The following DAB2IP variants were observed in gnomAD, a reference collection of about 807,000 sequenced individuals.
DAB2IP encodes the protein DAB2 interacting protein.
Under a neutral mutation model 107.2 loss-of-function variants are expected in DAB2IP, and 28 were observed. The ratio of observed to expected loss-of-function variants is 0.26; its 90% CI spans 0.19 to 0.36. The LOEUF is 0.36. DAB2IP is among the 10% of genes least tolerant of loss of function. The pLI is 1.00. For synonymous variants in DAB2IP, 755 were observed against 706.4 expected (o/e 1.07, Z -1.09); for missense variants, 1,400 against 1,644.7 (o/e 0.85, Z 2.57).
exon 9 of DAB2IP, chr9:121,766,525 G>A (rs145267973): frequency 6.2e-7 from 1 of 1,610,394 alleles, no homozygotes; most frequent in African/African-American, 1.3e-5. Flanking sequence ...AGAGGTGTTT[G>A]CCTCGTGGAG....
chr9:121,604,099 A>C (rs1038263752), intron 1 of DAB2IP, among the ~76,000 whole-genome samples: 5 of 150,930 alleles, frequency 3.3e-5, no homozygotes, highest in South Asian at 4.2e-4. Flanking sequence ...GGTGGGAATG[A>C]CTGGGGGTCA....
At chr9:121,783,134 C>G (rs1019746639) in exon 16 of DAB2IP, 1 of 1,044,076 alleles carries the variant, frequency 9.6e-7, no homozygotes, top group East Asian at 7.6e-5. Flanking sequence ...TACCCACCCA[C>G]CCCCTCTGAA....
exon 1 of DAB2IP, chr9:121,567,203 C>T (rs936282742): frequency 5.0e-6 from 8 of 1,614,054 alleles, no homozygotes; most frequent in Non-Finnish European, 5.1e-6. Flanking sequence ...AGCCCGACTC[C>T]CTTCTGGACC....
intron 3 of DAB2IP, among the ~76,000 whole-genome samples, chr9:121,748,991 C>A (rs888560871): frequency 6.6e-6 from 1 of 152,192 alleles, no homozygotes. Flanking sequence ...CCTGAGGGAA[C>A]CCTGGGTTGA....
At chr9:121,726,547 T>TG (rs756163377) in intron 3 of DAB2IP, among the ~76,000 whole-genome samples, 15 of 152,308 alleles carry the variant, frequency 9.8e-5, no homozygotes, top group Admixed American at 1.3e-4. Flanking sequence ...ATCTGAAGGA[T>TG]GGGGGGATAG....
At chr9:121,672,760 G>A (rs1469120560) in intron 1 of DAB2IP, among the ~76,000 whole-genome samples, 2 of 152,120 alleles carry the variant, frequency 1.3e-5, no homozygotes, top group African/African-American at 2.4e-5. Context: ...TTAAGAGATC[G>A]GCTGGGTCTC....
intron 11 of DAB2IP, among the ~76,000 whole-genome samples, chr9:121,771,759 G>T (rs777695295): frequency 3.9e-5 from 6 of 152,088 alleles, no homozygotes; most frequent in African/African-American, 1.4e-4. Context: ...TCCCAGGCCC[G>T]TGAGCACTGC....
At chr9:121,687,558 T>C (rs565952631) in intron 2 of DAB2IP, among the ~76,000 whole-genome samples, 2 of 152,282 alleles carry the variant, frequency 1.3e-5, no homozygotes, top group Admixed American at 1.3e-4. Context: ...GGTCAGAGCT[T>C]GCACTCCAAG....
intron 1 of DAB2IP, among the ~76,000 whole-genome samples, chr9:121,601,882 G>A (rs939340590): frequency 9.6e-5 from 10 of 103,878 alleles, no homozygotes; most frequent in Non-Finnish European, 1.7e-4. Context: ...TTGCATACAT[G>A]CCTTTGTGTG....
intron 1 of DAB2IP, among the ~76,000 whole-genome samples, chr9:121,642,558 C>G (rs1832397592): frequency 7.2e-6 from 1 of 139,002 alleles, no homozygotes; most frequent in Non-Finnish European, 1.5e-5. Flanking sequence ...CTCCTGGGCT[C>G]AAGTGATCTT....
chr9:121,775,658 C>T (rs1295937232), intron 13 of DAB2IP, among the ~76,000 whole-genome samples: 1 of 152,186 alleles, frequency 6.6e-6, no homozygotes, highest in African/African-American at 2.4e-5. Flanking sequence ...GAGCCTGGAC[C>T]ACCTGCCTTT....
intron 3 of DAB2IP, chr9:121,737,481 C>T (rs891587904): frequency 1.4e-5 from 14 of 985,456 alleles, no homozygotes; most frequent in Admixed American, 6.1e-5. Flanking sequence ...CCGGCCCGGC[C>T]GAGAGGCCCC....
chr9:121,600,128 C>T (rs1440524953), intron 1 of DAB2IP, among the ~76,000 whole-genome samples: 1 of 152,066 alleles, frequency 6.6e-6, no homozygotes, highest in Non-Finnish European at 1.5e-5. Flanking sequence ...GGGGTGCCAG[C>T]CTACCGATCC....
At chr9:121,763,935 G>A in intron 8 of DAB2IP, 56 bp downstream of exon 8, 1 of 1,596,112 alleles carries the variant, frequency 6.3e-7, no homozygotes, top group Non-Finnish European at 8.6e-7. Flanking sequence ...CTGTCCTTCA[G>A]TGTCTGGCAC....
chr9:121,622,155 A>G lies in DAB2IP; in HGVS notation c.40+54927A>G, dbSNP rs531544369. 1.7e-3 allele frequency among the ~76,000 whole-genome samples: 248 copies of G among 149,984 alleles called. 3 individuals carry two copies. Among genetic ancestry groups the G allele is most frequent in the African/African-American group, 5.8e-3 (237 of 40,730 alleles). ...AGGCGTGTGCCACCACGCTCGGCTA[A>G]TTTTTTGTATTTTTAGCAGAGATGG... On this transcript the variant is annotated intron_variant, in intron 1 of 16. Coordinates refer to the DAB2IP transcript ENST00000259371.
chr9:121,651,462 T>C (rs547658625), upstream of DAB2IP: 1 of 172,128 alleles, frequency 5.8e-6, no homozygotes, highest in South Asian at 1.9e-4. This position sits in a 1 kb window ranked among gnomAD's most constrained non-coding sequence, Gnocchi z 5.1. Context: ...ACGACCCGTC[T>C]GGGGTCCCGG....
chr9:121,749,790 G>A (rs1832976851), intron 3 of DAB2IP, among the ~76,000 whole-genome samples: 2 of 152,218 alleles, frequency 1.3e-5, no homozygotes, highest in South Asian at 4.1e-4. Context: ...TGCAGATGGG[G>A]AAAACTGAGG....
In DAB2IP at chr9:121,663,316, G is replaced by A. The variant is rs1034843076; in HGVS notation, c.124+11417G>A. Among the ~76,000 whole-genome samples the A allele has an allele frequency of 5.3e-5, 8 of 152,096 alleles. No homozygotes were observed. The South Asian group carries it at 6.2e-4, about 12-fold the overall frequency. On this transcript the variant is annotated intron_variant, in intron 1 of 15. Coordinates refer to ENST00000408936, the Ensembl canonical transcript of DAB2IP. ...GAGCAAACCCTTGCACTGTCCTTGC[G>A]GAAGGGCCCTACCCAGCATCCTGGG...
At position 121,661,935 on chromosome 9, in the gene DAB2IP, C is replaced by T. The variant is rs377634282; in HGVS notation, c.124+10036C>T. ...CTTCCAGGTTGTGATGACCTATGAT[C>T]GCACCACTGCACTCCGCCCTGGGCA... is the stretch of plus-strand genomic sequence containing the variant. On this transcript the variant is annotated intron_variant, in intron 1 of 15. Coordinates refer to ENST00000408936, the Ensembl canonical transcript of DAB2IP. Among the ~76,000 whole-genome samples the T allele has an allele frequency of 3.6e-4, 54 of 151,646 alleles. No individual in the cohort carries two copies. The East Asian group carries it at 7.4e-3, about 21-fold the overall frequency.
Sources: allele counts gnomAD v4.1 joint callset (sites outside exome capture counted in the v4.1 genomes callset), GRCh38; gene constraint gnomAD v4.1.1; non-coding constraint Gnocchi (gnomAD v3.1); transcripts MANE v1.5; gene names NCBI Gene and HGNC (gene_info 2026-07-23, HGNC 2026-07-21).